SGIP1: variants seen among roughly 807,000 people sequenced by gnomAD.
The protein encoded by SGIP1 is SH3-containing GRB2-like protein 3-interacting protein 1.
In SGIP1, 38 loss-of-function variants were observed where a neutral mutation model predicts 107.5. The ratio of observed to expected loss-of-function variants is 0.35; its 90% confidence interval spans 0.27 to 0.46. SGIP1 has a LOEUF of 0.46. Among genes scored for constraint, SGIP1 ranks in the 20% least tolerant of loss-of-function variants. The pLI, the probability that SGIP1 is intolerant of heterozygous loss-of-function variation, is 1.00. For synonymous variants in SGIP1, 365 were observed against 366.1 expected (o/e 1.00, Z 0.03); for missense variants, 929 against 1,019.5 (o/e 0.91, Z 1.21).
chr1:66,605,156 T>C (rs2066586151), intron 1 of SGIP1, among the ~76,000 whole-genome samples: 1 of 152,192 alleles, frequency 6.6e-6, no homozygotes, highest in Non-Finnish European at 1.5e-5. Context: ...GACCTGACCC[T>C]TTAGCCCCAT....
intron 19 of SGIP1, among the ~76,000 whole-genome samples, chr1:66,727,147 G>T (rs1221559908): frequency 8.5e-5 from 13 of 152,118 alleles, no homozygotes; most frequent in Admixed American, 8.5e-4. Flanking sequence ...AACAAAACAA[G>T]CCACAGACTG....
rs1360171592 is a variant in SGIP1, at chr1:66,743,499, TA to T, written c.*407del. ...TTGCATTTTGTCAATATATAAAATT[TA>T]AATATAATATTGATAGCTGTCATAA... On this transcript the variant is annotated 3_prime_UTR_variant, in exon 25 of 25. Coordinates refer to ENST00000371037, the MANE Select transcript of SGIP1 (RefSeq NM_032291.4). 6.4e-6 allele frequency: 1 copy of T among 155,992 alleles called. No individual in the cohort carries two copies. Among genetic ancestry groups the T allele is most frequent in the Non-Finnish European group, 1.4e-5 (1 of 70,072 alleles). 9.7% of individuals were successfully genotyped at this position (155,992 alleles called of 1,614,324 possible).
At chr1:66,714,859 T>A (rs2093139017) in intron 18 of SGIP1, among the ~76,000 whole-genome samples, 1 of 152,114 alleles carries the variant, frequency 6.6e-6, no homozygotes, top group Non-Finnish European at 1.5e-5. Flanking sequence ...CCCCTCTTAG[T>A]CTTCTTAGGC....
At chr1:66,742,770 A>G (rs1046071207) in intron 24 of SGIP1, among the ~76,000 whole-genome samples, 5 of 152,076 alleles carry the variant, frequency 3.3e-5, no homozygotes, top group African/African-American at 9.7e-5. Context: ...CGCCCGGCCT[A>G]TGAGCACCCT....
chr1:66,728,367 C>T (rs1029747504), intron 19 of SGIP1, among the ~76,000 whole-genome samples: 2 of 152,184 alleles, frequency 1.3e-5, no homozygotes, highest in Non-Finnish European at 2.9e-5. Flanking sequence ...TGAGGTGAAG[C>T]TATAGACTTC....
chr1:66,614,463 C>T (rs1409137741), intron 1 of SGIP1, among the ~76,000 whole-genome samples: 1 of 152,180 alleles, frequency 6.6e-6, no homozygotes, highest in Non-Finnish European at 1.5e-5. Flanking sequence ...AACAGGATCA[C>T]TCTACATGCA....
chr1:66,558,126 G>A (rs1050126706), intron 1 of SGIP1, among the ~76,000 whole-genome samples: 10 of 152,022 alleles, frequency 6.6e-5, no homozygotes, highest in South Asian at 2.1e-4. Context: ...CCATGAAGCC[G>A]TTATAGACCT....
intron 18 of SGIP1, among the ~76,000 whole-genome samples, chr1:66,708,062 G>T (rs1173111633): frequency 6.6e-6 from 1 of 152,230 alleles, no homozygotes; most frequent in Admixed American, 6.5e-5. Flanking sequence ...AACTTCCTAG[G>T]ATGTAGGGGC....
At chr1:66,694,459 T>A (rs781371243) in intron 17 of SGIP1, 2 of 1,608,492 alleles carry the variant, frequency 1.2e-6, no homozygotes, top group Non-Finnish European at 8.5e-7. Context: ...CGATGTTTTT[T>A]ATGACAAACT....
At chr1:66,718,396 T>C (rs943354942) in intron 18 of SGIP1, among the ~76,000 whole-genome samples, 1 of 129,822 alleles carries the variant, frequency 7.7e-6, no homozygotes, top group Admixed American at 7.2e-5. Context: ...AACTGTTTCA[T>C]TTAGTACACT....
intron 1 of SGIP1, among the ~76,000 whole-genome samples, chr1:66,624,212 A>G (rs780797233): frequency 2.0e-5 from 3 of 152,204 alleles, no homozygotes; most frequent in Non-Finnish European, 4.4e-5. Context: ...AGAGAAGCCA[A>G]TTAGGAGACT....
intron 18 of SGIP1, among the ~76,000 whole-genome samples, chr1:66,711,873 G>A (rs1246473449): frequency 1.3e-5 from 2 of 152,166 alleles, no homozygotes; most frequent in African/African-American, 4.8e-5. Flanking sequence ...TCTGGCATTA[G>A]TGGTGCAGAT....
chr1:66,537,225 A>G (rs2053839068), intron 1 of SGIP1, among the ~76,000 whole-genome samples: 1 of 152,128 alleles, frequency 6.6e-6, no homozygotes, highest in Non-Finnish European at 1.5e-5. Context: ...TGCATACTTT[A>G]TCTTTTGGCA....
chr1:66,595,470 A>C (rs1480018116), intron 1 of SGIP1, among the ~76,000 whole-genome samples: 7 of 152,210 alleles, frequency 4.6e-5, no homozygotes, highest in Non-Finnish European at 1.0e-4. Context: ...ATTTCTCATC[A>C]GTGTGCTGTT....
rs546585391 is a variant in SGIP1 at position 66,725,962 on chromosome 1, G to A, written c.1743-3302G>A. Among the ~76,000 whole-genome samples the A allele has an allele frequency of 7.9e-5, 12 of 152,360 alleles. No individual in the cohort carries two copies. The South Asian group carries it at 2.5e-3, about 32-fold the overall frequency. On this transcript the variant is annotated intron_variant, in intron 19 of 24. Coordinates refer to ENST00000371037, the MANE Select transcript of SGIP1 (RefSeq NM_032291.4). The stretch of plus-strand genomic sequence containing the variant: ...CAGGAGGCTGGAAAAGAATCCATCT[G>A]CATTGCAAGATCTGGGCATTGTGGC...
Position 66,633,081 on chromosome 1 carries a change from A to G in SGIP1, c.86A>G (p.Asp29Gly). Residue 29 changes from aspartate (D) to glycine (G), a missense_variant, in exon 3 of 25, where the codon GAT (aspartate) becomes GGT (glycine). Physicochemically the swap from Asp to Gly is moderately conservative, Grantham distance 94. This residue lies in a region of SGIP1 where 588 missense variants were observed against 588.6 expected (regional missense o/e 1.00). Transcript: ENST00000371037. Reference sequence around the variant, plus strand: ...TCTTTTTGTTACAGAGGTTCACCAGATAGAGATGGAATTGTAAGTATTTAA... The same window carrying G: ...TCTTTTTGTTACAGAGGTTCACCAGGTAGAGATGGAATTGTAAGTATTTAA... ...EKDTDSTGSP[D>G]RDGIQPSPHE... 1 of 1,536,574 alleles carries G rather than the reference A, an allele frequency of 6.5e-7. No individual in the cohort carries two copies. Among genetic ancestry groups the G allele is most frequent in the Non-Finnish European group, 9.0e-7 (1 of 1,110,704 alleles).
At chr1:66,708,938 T>A (rs2092714231) in intron 18 of SGIP1, among the ~76,000 whole-genome samples, 1 of 152,184 alleles carries the variant, frequency 6.6e-6, no homozygotes, top group African/African-American at 2.4e-5. Context: ...TATTTATTTA[T>A]GTATTTATTT....
intron 1 of SGIP1, among the ~76,000 whole-genome samples, chr1:66,539,328 A>G (rs2054341409): frequency 1.3e-5 from 2 of 152,212 alleles, no homozygotes; most frequent in Non-Finnish European, 2.9e-5. Flanking sequence ...TGTGCTAACT[A>G]CCAAATGTAG....
intron 21 of SGIP1, among the ~76,000 whole-genome samples, chr1:66,736,214 ATT>A (rs2094229110): frequency 6.9e-6 from 1 of 145,706 alleles, no homozygotes; most frequent in South Asian, 2.1e-4. Flanking sequence ...AAATATAAAT[ATT>A]TATACAAATA....
Sources: gnomAD v4.1 joint callset for allele counts (sites outside exome capture counted in the v4.1 genomes callset) on GRCh38, gnomAD v4.1.1 for gene constraint, gnomAD v4.1.1 regional missense constraint, MANE v1.5 for transcripts, NCBI Gene and HGNC (gene_info 2026-07-23, HGNC 2026-07-21) for gene names.